The following SDK1 variants were observed in gnomAD, a reference collection of about 807,000 sequenced individuals.
SDK1 encodes sidekick cell adhesion molecule 1.
Under a neutral mutation model 245.5 loss-of-function variants are expected in SDK1, and 157 were observed. The ratio of observed to expected loss-of-function variants is 0.64; its 90% CI spans 0.56 to 0.73. The LOEUF (loss-of-function observed/expected upper bound fraction) is 0.73. Among genes scored for constraint, SDK1 ranks in the 30% least tolerant of loss-of-function variants. SDK1 has a pLI of 0.00. For synonymous variants in SDK1, 1,647 were observed against 1,278.5 expected (o/e 1.29, Z -6.15); for missense variants, 3,583 against 3,002.3 (o/e 1.19, Z -4.52).
chr7:3,704,063 C>A (rs73302260), intron 4 of SDK1, among the ~76,000 whole-genome samples: 1 of 151,960 alleles, frequency 6.6e-6, no homozygotes, highest in Non-Finnish European at 1.5e-5. Context: ...TTTCTGAGTT[C>A]CCATAGTCCA....
intron 1 of SDK1, among the ~76,000 whole-genome samples, chr7:3,495,276 G>C (rs1430474629): frequency 1.5e-4 from 3 of 19,690 alleles, no homozygotes; most frequent in Admixed American, 5.6e-4. Context: ...TTTTTTTTTT[G>C]AAGCGGAGTC....
At chr7:3,765,088 T>A (rs1390931908) in intron 4 of SDK1, among the ~76,000 whole-genome samples, 1 of 152,174 alleles carries the variant, frequency 6.6e-6, no homozygotes, top group African/African-American at 2.4e-5. Context: ...TTATAGTTTT[T>A]AAACTGTATA....
At chr7:3,804,821 G>T (rs555995142) in intron 4 of SDK1, among the ~76,000 whole-genome samples, 3 of 152,264 alleles carry the variant, frequency 2.0e-5, no homozygotes, top group Admixed American at 2.0e-4. Flanking sequence ...TGTCAGTGGC[G>T]TTATATTTTA....
chr7:3,499,611 G>C (rs769018884), intron 1 of SDK1, among the ~76,000 whole-genome samples: 35 of 152,210 alleles, frequency 2.3e-4, no homozygotes, highest in Non-Finnish European at 4.6e-4. Flanking sequence ...GCATAAAGCA[G>C]TGTATTGTTG....
intron 5 of SDK1, among the ~76,000 whole-genome samples, chr7:3,895,088 CT>C: frequency 6.6e-6 from 1 of 152,160 alleles, no homozygotes; most frequent in East Asian, 1.9e-4. Context: ...GTAAAAGTTT[CT>C]ATTATAGGGT....
intron 5 of SDK1, among the ~76,000 whole-genome samples, chr7:3,846,850 G>A (rs913615145): frequency 3.9e-5 from 6 of 151,922 alleles, no homozygotes; most frequent in African/African-American, 9.7e-5. Context: ...CCCTCTCCAC[G>A]ACCCTCTTTA....
chr7:4,066,249 C>T (rs1348334620), intron 19 of SDK1, among the ~76,000 whole-genome samples: 1 of 152,090 alleles, frequency 6.6e-6, no homozygotes, highest in East Asian at 1.9e-4. Context: ...GAGGGGTAGG[C>T]ATGGGGGCAT....
chr7:4,058,463 G>C (rs1779330818), intron 19 of SDK1, among the ~76,000 whole-genome samples: 1 of 152,190 alleles, frequency 6.6e-6, no homozygotes, highest in South Asian at 2.1e-4. Context: ...CCCAAGTCTA[G>C]CAAGAGATTT....
chr7:3,480,733 C>G (rs9648354), intron 1 of SDK1, among the ~76,000 whole-genome samples: 57,721 of 152,124 alleles, frequency 0.38, 12,242 homozygotes, highest in East Asian at 0.51. Flanking sequence ...GAAAGCCAGT[C>G]TCTCGTTTAT....
chr7:3,401,362 G>A (rs963610368), intron 1 of SDK1, among the ~76,000 whole-genome samples: 5 of 152,172 alleles, frequency 3.3e-5, no homozygotes, highest in Non-Finnish European at 5.9e-5. Flanking sequence ...CCTGTTTACT[G>A]TGTGACAAGA....
chr7:3,810,739 A>G (rs1282299088), intron 4 of SDK1, among the ~76,000 whole-genome samples: 1 of 152,190 alleles, frequency 6.6e-6, no homozygotes, highest in Admixed American at 6.5e-5. Context: ...AATCAATTCT[A>G]TTTATGACAC....
intron 4 of SDK1, among the ~76,000 whole-genome samples, chr7:3,659,044 A>G (rs1308053820): frequency 3.9e-5 from 6 of 152,112 alleles, no homozygotes; most frequent in African/African-American, 1.4e-4. Context: ...GTCTATATGA[A>G]TTTGCCTATT....
At chr7:4,111,355 A>C (rs1783331312) in intron 23 of SDK1, among the ~76,000 whole-genome samples, 1 of 152,214 alleles carries the variant, frequency 6.6e-6, no homozygotes, top group African/African-American at 2.4e-5. Context: ...AAGGAGATGG[A>C]ATTTCCAGTT....
chr7:3,508,754 T>C (rs1782478760), intron 1 of SDK1, among the ~76,000 whole-genome samples: 1 of 152,228 alleles, frequency 6.6e-6, no homozygotes, highest in African/African-American at 2.4e-5. Context: ...AATTGCCTTG[T>C]AGTGCATTGG....
chr7:3,690,225 C>A (rs1285497975), intron 4 of SDK1, among the ~76,000 whole-genome samples: 10 of 152,126 alleles, frequency 6.6e-5, no homozygotes, highest in Admixed American at 5.9e-4. Flanking sequence ...CCAGGGCTTG[C>A]TAGTTGAATT....
At chr7:3,843,370 G>A (rs1780204582) in intron 5 of SDK1, among the ~76,000 whole-genome samples, 2 of 152,190 alleles carry the variant, frequency 1.3e-5, no homozygotes, top group Non-Finnish European at 1.5e-5. Context: ...CTGCAGATGG[G>A]ATATGATTTA....
chr7:3,910,667 T>C (rs554764144), intron 5 of SDK1, among the ~76,000 whole-genome samples: 60 of 152,288 alleles, frequency 3.9e-4, no homozygotes, highest in African/African-American at 1.4e-3. Flanking sequence ...AGGTGTAGAA[T>C]GGGACGTCCT....
Position 3,604,782 on chromosome 7 carries a change from A to G in SDK1, c.299-14298A>G, listed in dbSNP as rs1368633448. On this transcript the variant is annotated intron_variant, in intron 1 of 44. Transcript: ENST00000404826. ...TACGGCAGGCTAATTTTGTATTTTTAGGTGAGACAGGGTTTCTCCATGTTG... is the reference window on the plus strand; with the variant it reads ...TACGGCAGGCTAATTTTGTATTTTTGGGTGAGACAGGGTTTCTCCATGTTG... Among the ~76,000 whole-genome samples, 5 of 151,308 alleles carry G rather than the reference A, an allele frequency of 3.3e-5. No individual in the cohort carries two copies. In the East Asian group the frequency reaches 9.7e-4, roughly 29 times the overall value.
chr7:4,116,636 C>G (rs1783729854), intron 25 of SDK1, among the ~76,000 whole-genome samples: 1 of 152,224 alleles, frequency 6.6e-6, no homozygotes, highest in South Asian at 2.1e-4. Flanking sequence ...CCACCAGCAC[C>G]AAGCCAAAGC....
Sources: gnomAD v4.1 joint callset for allele counts (sites outside exome capture counted in the v4.1 genomes callset) on GRCh38, gnomAD v4.1.1 for gene constraint, MANE v1.5 for transcripts, NCBI Gene and HGNC (gene_info 2026-07-23, HGNC 2026-07-21) for gene names.